The following AASDH variants were observed in gnomAD, a reference collection of about 807,000 sequenced individuals.
AASDH encodes aminoadipate-semialdehyde dehydrogenase.
Under a neutral mutation model 102.3 loss-of-function variants are expected in AASDH, and 81 were observed. That is an observed-to-expected ratio of 0.79 (90% CI 0.66 to 0.95). The LOEUF (loss-of-function observed/expected upper bound fraction) is 0.95. AASDH is among the 40% of genes least tolerant of loss of function. AASDH has a pLI of 0.00. For synonymous variants in AASDH, 398 were observed against 454.0 expected (o/e 0.88, Z 1.57); for missense variants, 1,203 against 1,266.2 (o/e 0.95, Z 0.76).
At chr4:56,367,366 A>G (rs1751140437) in intron 5 of AASDH, among the ~76,000 whole-genome samples, 1 of 143,220 alleles carries the variant, frequency 7.0e-6, no homozygotes, top group Non-Finnish European at 1.5e-5. Context: ...GGAAAAAACT[A>G]CTTTAAAGTT....
chr4:56,384,262 C>A lies in AASDH; in HGVS notation c.38G>T (p.Cys13Phe), dbSNP rs766765289. 6.2e-7 allele frequency: 1 copy of A among 1,613,992 alleles called. No individual in the cohort carries two copies. Among genetic ancestry groups the A allele is most frequent in the African/African-American group, 1.3e-5 (1 of 74,920 alleles). The change falls in exon 2 of 15, where the codon TGT becomes TTT. Residue 13 changes from cysteine (C) to phenylalanine (F), a missense_variant. By Grantham distance (205) the Cys-to-Phe change is radical. Transcript: ENST00000205214. ...LQELVHKAAS[C>F]YMDRVAVCFD... ...ACATACAGCTACTCTGTCCATATAA[C>A]AGGAGGCAGCCTTATGCACCAATTC...
At chr4:56,386,335 T>G (rs1753550084) in intron 1 of AASDH, among the ~76,000 whole-genome samples, 1 of 152,160 alleles carries the variant, frequency 6.6e-6, no homozygotes, top group African/African-American at 2.4e-5. Context: ...ATCTATACGA[T>G]AATTAAGATG....
intron 2 of AASDH, 40 bp downstream of exon 2, chr4:56,384,030 C>A (rs1392278158): frequency 2.0e-6 from 3 of 1,526,562 alleles, no homozygotes; most frequent in Non-Finnish European, 2.7e-6. Flanking sequence ...TTTACATTAG[C>A]TTGGAGTAAC....
At chr4:56,369,849 A>G (rs529137725) in intron 5 of AASDH, among the ~76,000 whole-genome samples, 12 of 151,936 alleles carry the variant, frequency 7.9e-5, no homozygotes, top group African/African-American at 2.9e-4. Context: ...CCAAGGCACA[A>G]GAATCTCTTG....
rs1442526678 is a variant in AASDH at position 56,349,509 on chromosome 4, T to A, written c.2242A>T (p.Ile748Leu). 1.4e-5 allele frequency: 22 copies of A among 1,614,084 alleles called. No homozygotes were observed. Among genetic ancestry groups the A allele is most frequent in the Non-Finnish European group, 1.9e-5 (22 of 1,180,034 alleles). ...TGTAACTCCATTTTCTGAGTCCCTA[T>A]CGCAGGTTTCCCCTCTTCAGAAACT... ...AKVSEEGKPA[I>L]GTQKMELHVR... Residue 748 changes from isoleucine to leucine, a missense_variant, in exon 11 of 15, where the codon ATA becomes TTA. Transcript: ENST00000205214.
chr4:56,368,061 T>C (rs554599151), intron 5 of AASDH, among the ~76,000 whole-genome samples: 2,427 of 152,236 alleles, frequency 0.016, 71 homozygotes, highest in African/African-American at 0.055. Flanking sequence ...GGGCGAAGGA[T>C]ATGAACAGAC....
At position 56,351,790 on chromosome 4, in the gene AASDH, T is replaced by G. The variant is rs1378381081; in HGVS notation, c.1577-333A>C. Reference sequence around the variant, plus strand: ...CTACAGAAAAATTAAAAAATTGGCCTGTAGTTCTAGCTACTCGGGAGGCTT... The same window carrying G: ...CTACAGAAAAATTAAAAAATTGGCCGGTAGTTCTAGCTACTCGGGAGGCTT... On this transcript the variant is annotated intron_variant, in intron 9 of 14. Coordinates refer to ENST00000205214, the MANE Select transcript of AASDH (RefSeq NM_181806.4). 2.6e-5 allele frequency among the ~76,000 whole-genome samples: 4 copies of G among 151,948 alleles called. No individual in the cohort carries two copies. In the East Asian group the frequency reaches 7.8e-4, roughly 29 times the overall value.
At chr4:56,369,860 A>G (rs1227930165) in intron 5 of AASDH, among the ~76,000 whole-genome samples, 1 of 151,104 alleles carries the variant, frequency 6.6e-6, no homozygotes, top group Non-Finnish European at 1.5e-5. Flanking sequence ...GAATCTCTTG[A>G]GCCCGGGAGA....
At chr4:56,385,201 A>T (rs920520004) in intron 1 of AASDH, among the ~76,000 whole-genome samples, 1 of 152,230 alleles carries the variant, frequency 6.6e-6, no homozygotes, top group African/African-American at 2.4e-5. Context: ...GAAAGCAAAA[A>T]ACCCTATTCC....
chr4:56,373,598 A>G (rs545503627), intron 4 of AASDH, among the ~76,000 whole-genome samples: 1 of 152,312 alleles, frequency 6.6e-6, no homozygotes, highest in South Asian at 2.1e-4. Context: ...AGTACTCAGC[A>G]TGCCAAAGTG....
Position 56,362,405 on chromosome 4 carries a change from C to A in AASDH, c.862-6982G>T, listed in dbSNP as rs563086478. ...TCAGCCTCCTGAGTAGCTGGGATTA[C>A]AGGTGTGCACCACCATGCCTGGCTA... On this transcript the variant is annotated intron_variant, in intron 5 of 14. Transcript: ENST00000205214. 7.7e-4 allele frequency among the ~76,000 whole-genome samples: 118 copies of A among 152,278 alleles called. 1 individual carries two copies. The highest frequency in any genetic ancestry group is 2.8e-3 in the African/African-American group (116 of 41,542).
intron 5 of AASDH, among the ~76,000 whole-genome samples, chr4:56,359,556 G>A (rs952411168): frequency 7.9e-5 from 12 of 151,270 alleles, no homozygotes; most frequent in Admixed American, 6.6e-5. Flanking sequence ...CACCGTGCCC[G>A]GCCTTATGTT....
intron 5 of AASDH, among the ~76,000 whole-genome samples, chr4:56,369,746 C>G (rs115462209): frequency 0.013 from 1,943 of 151,944 alleles, 48 homozygotes; most frequent in African/African-American, 0.044. Context: ...TCAAGACCAG[C>G]CTGGCCATCA....
At chr4:56,342,322 A>G (rs531667794) in intron 14 of AASDH, among the ~76,000 whole-genome samples, 2 of 152,284 alleles carry the variant, frequency 1.3e-5, no homozygotes, top group Non-Finnish European at 2.9e-5. Context: ...CATAGAAATA[A>G]TAAGTACTCA....
chr4:56,360,571 T>A (rs1368542363), intron 5 of AASDH, among the ~76,000 whole-genome samples: 3 of 152,244 alleles, frequency 2.0e-5, no homozygotes, highest in Non-Finnish European at 4.4e-5. Flanking sequence ...TAAACATTTC[T>A]AAGATTGCTA....
rs753108269 is a variant in AASDH, at chr4:56,382,428, T to A, written c.351+49A>T. ...TGGGAGAAGGAAGGAATGTTTCAATTGAAATAAATGTAATACAGGCAAAAA... is the reference window on the plus strand; with the variant it reads ...TGGGAGAAGGAAGGAATGTTTCAATAGAAATAAATGTAATACAGGCAAAAA... On this transcript the variant is annotated intron_variant, in intron 3 of 14. Coordinates refer to ENST00000205214, the MANE Select transcript of AASDH (RefSeq NM_181806.4). The A allele has an allele frequency of 2.0e-6, 3 of 1,466,712 alleles. No homozygotes were observed. The South Asian group carries it at 3.7e-5, about 18-fold the overall frequency. 90.9% of individuals were successfully genotyped at this position (1,466,712 alleles called of 1,614,324 possible). A position where few individuals can be genotyped will look rare whatever the true frequency, so the allele number is the denominator to read the frequency against.
chr4:56,339,780 C>T (rs905789593), intron 14 of AASDH, among the ~76,000 whole-genome samples: 3 of 148,846 alleles, frequency 2.0e-5, no homozygotes, highest in Admixed American at 1.3e-4. Context: ...GACCAGTTTT[C>T]AATATATCTT....
intron 5 of AASDH, among the ~76,000 whole-genome samples, chr4:56,370,818 T>C (rs1257040524): frequency 6.6e-6 from 1 of 152,230 alleles, no homozygotes; most frequent in Non-Finnish European, 1.5e-5. Context: ...AGATAAAACC[T>C]GAGGCTCACA....
rs555520436 is a variant in AASDH, at chr4:56,343,439, C to T, written c.2775+123G>A. The T allele has an allele frequency of 6.9e-6, 4 of 582,702 alleles. No individual in the cohort carries two copies. The Admixed American group carries it at 1.1e-4, about 16-fold the overall frequency. The allele number at this position is 582,702 out of a possible 1,614,324, so 36.1% of individuals were successfully genotyped here. A position where few individuals can be genotyped will look rare whatever the true frequency, so the allele number is the denominator to read the frequency against. On this transcript the variant is annotated intron_variant, in intron 13 of 14. Transcript: ENST00000205214. ...CATGTCAATCATTTTTAATGAATTC[C>T]AGTTTGGTGTATGTGGACTACTACA...
Sources: allele counts gnomAD v4.1 joint callset (sites outside exome capture counted in the v4.1 genomes callset), GRCh38; gene constraint gnomAD v4.1.1; transcripts MANE v1.5; gene names NCBI Gene and HGNC (gene_info 2026-07-23, HGNC 2026-07-21).